Variants in ZNF324B observed in about 807,000 individuals in gnomAD.
ZNF324B encodes the protein zinc finger protein 324B.
A neutral mutation model predicts 10.6 loss-of-function variants in ZNF324B; 7 were observed. That is an observed-to-expected ratio of 0.66 (90% confidence interval 0.38 to 1.24). ZNF324B has a LOEUF of 1.24. Among genes scored for constraint, ZNF324B ranks in the 50% most tolerant of loss-of-function variants. The probability of loss-of-function intolerance (pLI) is 0.02; values close to 1 mark genes in which losing one functional copy is unlikely to be tolerated. For missense variants in ZNF324B, 640 were observed against 764.7 expected, an observed-to-expected ratio of 0.84 and a Z score of 1.92; for synonymous variants, 316 against 321.0, an observed-to-expected ratio of 0.98 and a Z score of 0.17.
the ZNF324B span, among the ~76,000 whole-genome samples, chr19:58,424,489 G>A: frequency 1.4e-4 from 21 of 152,140 alleles, no homozygotes; most frequent in Non-Finnish European, 1.9e-4. Context: ...GTTGTTCAAC[G>A]TCACTAGTCA....
the ZNF324B span, chr19:58,433,338 T>C: frequency 6.2e-7 from 1 of 1,612,876 alleles, no homozygotes; most frequent in African/African-American, 1.3e-5. Flanking sequence ...TATGAATCTT[T>C]TTATGCTGTG....
At chr19:58,445,901 G>A in the ZNF324B span, 38 of 169,308 alleles carry the variant, frequency 2.2e-4, no homozygotes, top group South Asian at 2.2e-3. Flanking sequence ...TTGGGAGGCC[G>A]AGGCAGGCAG....
the ZNF324B span, among the ~76,000 whole-genome samples, chr19:58,438,471 A>AT: frequency 5.3e-5 from 7 of 132,466 alleles, no homozygotes; most frequent in African/African-American, 2.1e-4. Flanking sequence ...ATCTAAGGTC[A>AT]ATTTTTTTTT....
the ZNF324B span, chr19:58,443,296 A>G: frequency 6.6e-6 from 1 of 152,250 alleles, no homozygotes; most frequent in Non-Finnish European, 1.5e-5. Context: ...AGCTAGACAC[A>G]GAGCGCTGAT....
the ZNF324B span, among the ~76,000 whole-genome samples, chr19:58,437,990 C>T: frequency 6.6e-6 from 1 of 152,204 alleles, no homozygotes; most frequent in African/African-American, 2.4e-5. Context: ...TGGCCCCCAC[C>T]TTGGCTTGGG....
chr19:58,451,705 G>C lies in ZNF324B; in HGVS notation c.-7+1G>C, dbSNP rs779537045. ...GGGCCCGAGGCGGGCGGCCAGGAAG[G>C]TACGGACCACGAGCAGCCGGCCGCG... On this transcript the variant is annotated splice_donor_variant, in intron 1 of 3. Transcript: ENST00000336614. LOFTEE classifies it low-confidence loss of function (5UTR_SPLICE). The C allele has an allele frequency of 2.0e-6, 1 of 489,150 alleles. No homozygotes were observed. The highest frequency in any genetic ancestry group is 1.4e-5 in the South Asian group (1 of 69,768). 30.3% of individuals were successfully genotyped at this position (489,150 alleles called of 1,614,324 possible). A position where few individuals can be genotyped will look rare whatever the true frequency, so the allele number is the denominator to read the frequency against.
chr19:58,436,692 AGG>A, the ZNF324B span, among the ~76,000 whole-genome samples: 9 of 146,286 alleles, frequency 6.2e-5, no homozygotes, highest in Admixed American at 4.8e-4. Flanking sequence ...AAAAAAAAAA[AGG>A]AAAAAAAAAT....
At chr19:58,442,179 T>TTTTTTTTTTTA in the ZNF324B span, 6 of 135,346 alleles carry the variant, frequency 4.4e-5, no homozygotes, top group Non-Finnish European at 9.2e-5. Context: ...TTTTTTTTTT[T>TTTTTTTTTTTA]GAGACGGAGT....
At position 58,455,428 on chromosome 19, in the gene ZNF324B, C is replaced by A. The variant is rs1226582015; in HGVS notation, c.484C>A (p.Leu162Met). The A allele has an allele frequency of 3.1e-6, 5 of 1,614,102 alleles. No homozygotes were observed. In the African/African-American group the frequency reaches 6.7e-5, roughly 22 times the overall value. Residue 162 changes from leucine (L) to methionine (M), a missense_variant, in exon 4 of 4, where the codon CTG (leucine) becomes ATG (methionine). Transcript: ENST00000336614. This position sits in a 1 kb window ranked among gnomAD's most constrained non-coding sequence, Gnocchi z 7.0. Reference protein sequence around the residue: ...RSDQASISLRLTSPLRPPKSS... With the variant: ...RSDQASISLRMTSPLRPPKSS... ...TGACCAGGCCAGCATCAGCCTGCGA[C>A]TGACCTCCCCACTCAGGCCCCCCAA...
chr19:58,445,489 A>G, the ZNF324B span: 5 of 518,824 alleles, frequency 9.6e-6, no homozygotes, highest in Non-Finnish European at 1.9e-5. Flanking sequence ...TAGTAAATGT[A>G]GGAAAGTCTT....
upstream of ZNF324B, among the ~76,000 whole-genome samples, chr19:58,450,166 C>G (rs2052845236): frequency 1.3e-5 from 2 of 152,152 alleles, no homozygotes; most frequent in South Asian, 2.1e-4. Context: ...TTTGCTCTTG[C>G]CTGCTGCCAT....
the ZNF324B span, chr19:58,433,570 C>G: frequency 1.2e-6 from 2 of 1,614,186 alleles, no homozygotes; most frequent in Admixed American, 1.7e-5. Flanking sequence ...TTCGTAAGGC[C>G]TTTCTCCAGT....
At chr19:58,433,282 C>T in the ZNF324B span, 1 of 1,568,958 alleles carries the variant, frequency 6.4e-7, no homozygotes, top group African/African-American at 1.4e-5. Context: ...TTTGACTTGG[C>T]TGAAGATTTT....
Position 58,456,991 on chromosome 19 carries a change from C to T in ZNF324B, c.*412C>T. ...GAAACTTATGATGTCTGCACACAAA[C>T]TGGCCGCTAGACGGACGCTGAGGAC... On this transcript the variant is annotated 3_prime_UTR_variant, in exon 4 of 4. Transcript: ENST00000336614. The surrounding 1 kb of genome is among the most constrained non-coding windows in gnomAD (Gnocchi z 4.7). 1 of 220,974 alleles carries T rather than the reference C, an allele frequency of 4.5e-6. No homozygotes were observed. The highest frequency in any genetic ancestry group is 5.1e-5 in the Admixed American group (1 of 19,786). The allele number at this position is 220,974 out of a possible 1,614,324, so 13.7% of individuals were successfully genotyped here.
At chr19:58,451,819 G>A (rs2052860640) in intron 1 of ZNF324B, 115 bp downstream of exon 1, 1 of 298,338 alleles carries the variant, frequency 3.4e-6, no homozygotes, top group East Asian at 1.6e-4. Context: ...CCGCCCCGCG[G>A]AAGCCCAGGA....
rs913131448 is a variant in ZNF324B at position 58,456,064 on chromosome 19, T to C, written c.1120T>C (p.Cys374Arg). ...TGGGCGTCCTTATGCTTGCGCACAG[T>C]GTGGCCGCCGCTTCTGCCGCAACTC... ...AGGRPYACAQCGRRFCRNSHL... is the reference protein window; with the variant it reads ...AGGRPYACAQRGRRFCRNSHL... The change falls in exon 4 of 4, where the codon TGT (cysteine) becomes CGT (arginine). Residue 374 changes from cysteine to arginine, a missense_variant. Transcript: ENST00000336614. The surrounding 1 kb of genome is among the most constrained non-coding windows in gnomAD (Gnocchi z 4.7). 6.2e-6 allele frequency: 10 copies of C among 1,610,872 alleles called. No individual in the cohort carries two copies. Among genetic ancestry groups the C allele is most frequent in the East Asian group, 2.2e-5 (1 of 44,860 alleles).
At chr19:58,419,534 A>G in the ZNF324B span, among the ~76,000 whole-genome samples, 1 of 152,200 alleles carries the variant, frequency 6.6e-6, no homozygotes, top group Non-Finnish European at 1.5e-5. Flanking sequence ...CTTCTCAGCA[A>G]TTGCAGACCT....
At chr19:58,432,803 A>G in the ZNF324B span, 1 of 166,048 alleles carries the variant, frequency 6.0e-6, no homozygotes, top group African/African-American at 2.4e-5. Context: ...CAGAACCCCT[A>G]AGATTAAAGG....
chr19:58,454,147 A>C (rs1240231501), intron 2 of ZNF324B, 81 bp from the exon 3 acceptor site: 10 of 922,722 alleles, frequency 1.1e-5, no homozygotes, highest in Admixed American at 4.0e-5. Context: ...GTCTATTTCC[A>C]TGAAGCCCTG....
Sources: gnomAD v4.1 joint callset for allele counts (sites outside exome capture counted in the v4.1 genomes callset) on GRCh38, gnomAD v4.1.1 for gene constraint, Gnocchi (gnomAD v3.1) non-coding constraint, MANE v1.5 for transcripts, NCBI Gene and HGNC (gene_info 2026-07-23, HGNC 2026-07-21) for gene names.